CDH4: variants seen among roughly 807,000 people sequenced by gnomAD.
CDH4 encodes the protein cadherin 4.
CDH4 carries 33 observed loss-of-function variants against 86.0 expected under a neutral mutation model. That is an observed-to-expected ratio of 0.38 (90% CI 0.29 to 0.51). The LOEUF (loss-of-function observed/expected upper bound fraction) is 0.51, where lower values mean the gene tolerates loss of function less well. Ranked by LOEUF, CDH4 falls within the 20% of genes least tolerant of loss-of-function variation. CDH4 has a pLI of 0.86. For synonymous variants in CDH4, 555 were observed against 549.4 expected, an observed-to-expected ratio of 1.01 and a Z score of -0.14; for missense variants, 1,114 against 1,307.4, an observed-to-expected ratio of 0.85 and a Z score of 2.28.
chr20:61,775,884 C>T (rs147218420), intron 4 of CDH4, among the ~76,000 whole-genome samples: 25 of 152,344 alleles, frequency 1.6e-4, no homozygotes, highest in Non-Finnish European at 2.9e-4. Context: ...CTCAGCTCTG[C>T]TCCACAGATA....
rs2084172435 is a variant in CDH4, at chr20:61,269,380, G to A, written c.169+14443G>A. On this transcript the variant is annotated intron_variant, in intron 2 of 15. Coordinates refer to ENST00000614565, the MANE Select transcript of CDH4 (RefSeq NM_001794.5). This position sits in a 1 kb window ranked among gnomAD's most constrained non-coding sequence, Gnocchi z 5.3. ...GGAGACCTGGTATACCCCGTTGCCTGGAGAGTCCACATTTCTAATCCTTAG... is the reference window on the plus strand; with the variant it reads ...GGAGACCTGGTATACCCCGTTGCCTAGAGAGTCCACATTTCTAATCCTTAG... Among the ~76,000 whole-genome samples, 1 of 152,060 alleles carries A rather than the reference G, an allele frequency of 6.6e-6. No homozygotes were observed. Among genetic ancestry groups the A allele is most frequent in the African/African-American group, 2.4e-5 (1 of 41,396 alleles).
chr20:61,598,800 G>A (rs1186710084), intron 2 of CDH4, among the ~76,000 whole-genome samples: 5 of 152,196 alleles, frequency 3.3e-5, no homozygotes, highest in African/African-American at 1.2e-4. Context: ...CACATGGCGG[G>A]GTCCTCCATG....
Position 61,252,443 on chromosome 20 carries a change from C to T in CDH4, c.-71C>T, listed in dbSNP as rs1431565817. 2 of 226,360 alleles carry T rather than the reference C, an allele frequency of 8.8e-6. No homozygotes were observed. The highest frequency in any genetic ancestry group is 5.3e-6 in the Non-Finnish European group (1 of 189,946). The allele number at this position is 226,360 out of a possible 1,614,324, so 14.0% of individuals were successfully genotyped here. On this transcript the variant is annotated 5_prime_UTR_variant, in exon 1 of 16. Transcript: ENST00000614565. This position sits in a 1 kb window ranked among gnomAD's most constrained non-coding sequence, Gnocchi z 4.4. ...GCGATCGGAGCGGCGGCGGTGGTCT[C>T]GGCGGCGGCGGCGGCGGCGGCGGCA...
intron 2 of CDH4, among the ~76,000 whole-genome samples, chr20:61,674,778 A>G (rs1362325912): frequency 1.3e-5 from 2 of 152,160 alleles, no homozygotes; most frequent in African/African-American, 4.8e-5. Flanking sequence ...TTTCATGCTG[A>G]TTGACTGCTC....
chr20:61,886,692 G>A (rs1984554063), intron 7 of CDH4, among the ~76,000 whole-genome samples: 1 of 152,172 alleles, frequency 6.6e-6, no homozygotes, highest in Non-Finnish European at 1.5e-5. Context: ...TGTCCTATGA[G>A]GGCTGGGAGA....
intron 2 of CDH4, among the ~76,000 whole-genome samples, chr20:61,572,924 A>T (rs2086353299): frequency 6.7e-6 from 1 of 150,300 alleles, no homozygotes; most frequent in Admixed American, 6.6e-5. Context: ...AGATGAATGG[A>T]TGGATGGGTA....
chr20:61,574,614 A>AG (rs1278545927), intron 2 of CDH4, among the ~76,000 whole-genome samples: 1 of 152,180 alleles, frequency 6.6e-6, no homozygotes, highest in Non-Finnish European at 1.5e-5. Context: ...CAGAGGACCC[A>AG]ATGTGAGAAA....
intron 2 of CDH4, among the ~76,000 whole-genome samples, chr20:61,609,291 A>G (rs1193611091): frequency 6.6e-6 from 1 of 152,162 alleles, no homozygotes; most frequent in African/African-American, 2.4e-5. Context: ...AGAAGACTTC[A>G]TCTTTCCTGT....
At chr20:61,523,968 T>C (rs1185117634) in intron 2 of CDH4, among the ~76,000 whole-genome samples, 1 of 152,220 alleles carries the variant, frequency 6.6e-6, no homozygotes, top group African/African-American at 2.4e-5. Flanking sequence ...AGAAGCAAGA[T>C]ATCTGACGAA....
chr20:61,743,119 C>T (rs1223994060), intron 2 of CDH4, among the ~76,000 whole-genome samples: 4 of 152,200 alleles, frequency 2.6e-5, no homozygotes, highest in Admixed American at 6.5e-5. Context: ...TGTACTTAGC[C>T]TTCTTGGAGT....
chr20:61,767,434 G>A (rs1335263673), intron 3 of CDH4, among the ~76,000 whole-genome samples: 1 of 152,220 alleles, frequency 6.6e-6, no homozygotes, highest in Non-Finnish European at 1.5e-5. Context: ...CAGAGCAGGT[G>A]TTCCCTGCCG....
chr20:61,818,049 A>C (rs1980820162), intron 4 of CDH4, among the ~76,000 whole-genome samples: 2 of 150,708 alleles, frequency 1.3e-5, no homozygotes, highest in South Asian at 4.2e-4. Flanking sequence ...TCTTTTTTTG[A>C]GACGGAGTCT....
At chr20:61,336,826 GTGT>G (rs1258647686) in intron 2 of CDH4, among the ~76,000 whole-genome samples, 1 of 152,182 alleles carries the variant, frequency 6.6e-6, no homozygotes, top group African/African-American at 2.4e-5. Context: ...GGACTGAGAC[GTGT>G]TCCTTCCTAT....
intron 2 of CDH4, among the ~76,000 whole-genome samples, chr20:61,564,517 G>A (rs572872520): frequency 9.5e-4 from 145 of 152,018 alleles, no homozygotes; most frequent in African/African-American, 2.9e-3. Flanking sequence ...CCCCTCCCTC[G>A]TGCTCTCACT....
intron 2 of CDH4, among the ~76,000 whole-genome samples, chr20:61,324,090 A>G (rs1018423196): frequency 5.3e-5 from 8 of 152,092 alleles, no homozygotes; most frequent in African/African-American, 1.9e-4. Flanking sequence ...CTGGCTGCCA[A>G]GGGTGTGGGA....
At chr20:61,863,134 C>A (rs1472653709) in intron 6 of CDH4, among the ~76,000 whole-genome samples, 1 of 152,194 alleles carries the variant, frequency 6.6e-6, no homozygotes, top group Non-Finnish European at 1.5e-5. Context: ...GAAATTAATC[C>A]TTTAAGGCGC....
rs1183748238 is a variant in CDH4, at chr20:61,417,240, T to C, written c.169+162303T>C. On this transcript the variant is annotated intron_variant, in intron 2 of 15. Transcript: ENST00000614565. The surrounding 1 kb of genome is among the most constrained non-coding windows in gnomAD (Gnocchi z 4.0). ...TTTCTCTCTTGGTCGTGCTCTCTCT[T>C]CCCCCTCCCTCTCACTCTTTTCTCC... Among the ~76,000 whole-genome samples, 1 of 151,446 alleles carries C rather than the reference T, an allele frequency of 6.6e-6. No individual in the cohort carries two copies. The highest frequency in any genetic ancestry group is 1.5e-5 in the Non-Finnish European group (1 of 67,860).
intron 2 of CDH4, among the ~76,000 whole-genome samples, chr20:61,741,441 G>A (rs956428063): frequency 5.3e-5 from 8 of 152,078 alleles, no homozygotes; most frequent in East Asian, 3.9e-4. Context: ...TGGCCCATTC[G>A]TTCTCAAAGC....
intron 2 of CDH4, among the ~76,000 whole-genome samples, chr20:61,359,539 C>G (rs528116608): frequency 6.6e-6 from 1 of 152,244 alleles, no homozygotes; most frequent in Non-Finnish European, 1.5e-5. Context: ...TGGGCTGAGT[C>G]TTTGCTGTGT....
Sources: allele counts gnomAD v4.1 joint callset (sites outside exome capture counted in the v4.1 genomes callset), GRCh38; gene constraint gnomAD v4.1.1; non-coding constraint Gnocchi (gnomAD v3.1); transcripts MANE v1.5; gene names NCBI Gene and HGNC (gene_info 2026-07-23, HGNC 2026-07-21).